Variants in ZW10 observed in about 807,000 individuals in gnomAD.
ZW10 encodes centromere/kinetochore protein zw10 homolog.
ZW10 carries 53 observed loss-of-function variants against 87.8 expected under a neutral mutation model. The ratio of observed to expected loss-of-function variants is 0.60; its 90% CI spans 0.48 to 0.76. The LOEUF is 0.76. ZW10 is among the 30% of genes least tolerant of loss of function. The pLI is 0.00. For synonymous variants in ZW10, 312 were observed against 329.2 expected (o/e 0.95, Z 0.57); for missense variants, 837 against 923.0 (o/e 0.91, Z 1.21).
intron 8 of ZW10, 78 bp downstream of exon 8, chr11:113,748,179 T>A: frequency 2.2e-6 from 3 of 1,364,392 alleles, no homozygotes; most frequent in Non-Finnish European, 2.9e-6. Context: ...AAGAACAAAC[T>A]ATCTCCAAGG....
intron 11 of ZW10, 37 bp downstream of exon 11, chr11:113,741,657 C>T: frequency 1.5e-6 from 2 of 1,373,486 alleles, no homozygotes; most frequent in African/African-American, 1.5e-5. Flanking sequence ...CTTAGACATA[C>T]AATTATTATA....
intron 3 of ZW10, 104 bp from the exon 4 acceptor site, chr11:113,760,694 A>C: frequency 8.7e-7 from 1 of 1,145,006 alleles, no homozygotes; most frequent in South Asian, 1.5e-5. Flanking sequence ...CCCCCTCTAA[A>C]AAAAAAAAAA....
chr11:113,741,498 T>C (rs1011565493), intron 11 of ZW10, among the ~76,000 whole-genome samples, 196 bp downstream of exon 11: 6 of 152,230 alleles, frequency 3.9e-5, no homozygotes, highest in African/African-American at 1.4e-4. Flanking sequence ...CACTGCAAGA[T>C]TATAATACCC....
Position 113,739,327 on chromosome 11 carries a change from A to C in ZW10, c.1639T>G (p.Tyr547Asp). ...AGGGTCAGCAAGTGGTGAGCAATGT[A>C]CATACAGTTGTTGTGATGAATAGCA... The part of the protein sequence containing the change: ...LAAIHHNNCM[Y>D]IAHHLLTLGH... The change falls in exon 12 of 16, where the codon TAC becomes GAC. Residue 547 changes from tyrosine (Y) to aspartate (D), a missense_variant. By Grantham distance (160) the Tyr-to-Asp change is radical. Transcript: ENST00000200135. 6.2e-7 allele frequency: 1 copy of C among 1,612,288 alleles called. No homozygotes were observed. Among genetic ancestry groups the C allele is most frequent in the Admixed American group, 1.7e-5 (1 of 59,780 alleles).
At chr11:113,771,035 G>A (rs1953961652) in intron 1 of ZW10, among the ~76,000 whole-genome samples, 1 of 149,740 alleles carries the variant, frequency 6.7e-6, no homozygotes, top group African/African-American at 2.5e-5. Flanking sequence ...TGCAGTGGTG[G>A]AGCAATCTCA....
intron 7 of ZW10, among the ~76,000 whole-genome samples, chr11:113,749,255 C>T (rs575547905): frequency 1.2e-4 from 18 of 152,288 alleles, no homozygotes; most frequent in Admixed American, 5.9e-4. Context: ...AGATACCTCA[C>T]AACATCTAAA....
Position 113,747,708 on chromosome 11 carries a change from T to C in ZW10, c.1095A>G (p.Ile365Met), listed in dbSNP as rs754283807. ...SSKLQQYEEIIQSTEEFENAL... is the reference protein window; with the variant it reads ...SSKLQQYEEIMQSTEEFENAL... ...CATTTTCAAATTCTTCAGTGGACTGTATGATCTGAGATACAAAAGAAAAAA... is the reference window on the plus strand; with the variant it reads ...CATTTTCAAATTCTTCAGTGGACTGCATGATCTGAGATACAAAAGAAAAAA... Residue 365 changes from isoleucine to methionine, a missense_variant, in exon 9 of 16, where the codon ATA becomes ATG. Physicochemically the swap from Ile to Met is conservative, Grantham distance 10. Coordinates refer to ENST00000200135, the MANE Select transcript of ZW10 (RefSeq NM_004724.4). 2.5e-6 allele frequency: 4 copies of C among 1,599,996 alleles called. No homozygotes were observed. In the African/African-American group the frequency reaches 5.4e-5, roughly 22 times the overall value.
intron 12 of ZW10, among the ~76,000 whole-genome samples, 198 bp downstream of exon 12, chr11:113,739,015 A>G (rs961652982): frequency 4.6e-5 from 7 of 152,142 alleles, no homozygotes; most frequent in African/African-American, 1.7e-4. Context: ...AAAAAAGTAA[A>G]AAAGTCTCCC....
chr11:113,755,572 G>C (rs983162756), intron 7 of ZW10, among the ~76,000 whole-genome samples: 7 of 152,162 alleles, frequency 4.6e-5, no homozygotes, highest in Non-Finnish European at 1.0e-4. Context: ...GACAACAAAG[G>C]ATTTAGAACA....
At chr11:113,755,184 G>C (rs546381707) in intron 7 of ZW10, among the ~76,000 whole-genome samples, 91 of 152,324 alleles carry the variant, frequency 6.0e-4, no homozygotes, top group African/African-American at 2.0e-3. Flanking sequence ...AGCTGCTACA[G>C]TGATTCCTCT....
intron 7 of ZW10, among the ~76,000 whole-genome samples, chr11:113,757,073 G>A (rs1349281503): frequency 6.7e-6 from 1 of 150,334 alleles, no homozygotes; most frequent in African/African-American, 2.4e-5. Flanking sequence ...TATGACAGCT[G>A]AGAAAAGCAC....
At chr11:113,743,397 T>C (rs1251869138) in intron 10 of ZW10, among the ~76,000 whole-genome samples, 1 of 152,226 alleles carries the variant, frequency 6.6e-6, no homozygotes, top group Non-Finnish European at 1.5e-5. Flanking sequence ...CATTTGAGTA[T>C]TAATCATTTT....
chr11:113,745,334 C>A (rs1237253185), intron 9 of ZW10, among the ~76,000 whole-genome samples: 1 of 151,428 alleles, frequency 6.6e-6, no homozygotes, highest in East Asian at 1.9e-4. Context: ...CATGTAGAGG[C>A]AGCAGGCTCC....
intron 2 of ZW10, among the ~76,000 whole-genome samples, chr11:113,767,906 T>A (rs1350898293): frequency 6.6e-6 from 1 of 152,200 alleles, no homozygotes; most frequent in Non-Finnish European, 1.5e-5. Context: ...TATGGCTACT[T>A]ACAACACTCT....
intron 8 of ZW10, 129 bp from the exon 9 acceptor site, chr11:113,747,842 A>T: frequency 1.6e-6 from 1 of 620,216 alleles, no homozygotes; most frequent in East Asian, 2.8e-5. Context: ...ATCAATTACT[A>T]GGTATAAAAA....
At chr11:113,762,854 G>A (rs995827601) in intron 2 of ZW10, among the ~76,000 whole-genome samples, 1 of 152,118 alleles carries the variant, frequency 6.6e-6, no homozygotes, top group African/African-American at 2.4e-5. Context: ...AGCTTAAAAC[G>A]CAAACACACT....
Position 113,768,816 on chromosome 11 carries a change from T to G in ZW10, c.240+17A>C. 6.2e-7 allele frequency: 1 copy of G among 1,613,388 alleles called. No individual in the cohort carries two copies. Among genetic ancestry groups the G allele is most frequent in the Non-Finnish European group, 8.5e-7 (1 of 1,179,704 alleles). ...CACCTCCCTACAAACCTACCCAATA[T>G]AACAAATTATCCTTACCTCACTCTC... On this transcript the variant is annotated intron_variant, in intron 2 of 15. Coordinates refer to ENST00000200135, the MANE Select transcript of ZW10 (RefSeq NM_004724.4).
At chr11:113,765,590 A>G (rs1256421146) in intron 2 of ZW10, among the ~76,000 whole-genome samples, 3 of 152,222 alleles carry the variant, frequency 2.0e-5, no homozygotes, top group African/African-American at 7.2e-5. Flanking sequence ...CTCAAACTGT[A>G]ATGCATATAC....
intron 1 of ZW10, among the ~76,000 whole-genome samples, chr11:113,770,796 C>T (rs73551159): frequency 5.5e-5 from 8 of 145,158 alleles, no homozygotes; most frequent in African/African-American, 7.6e-5. Flanking sequence ...CCAGCCTGGG[C>T]GACAGGGCGA....
Sources: allele counts gnomAD v4.1 joint callset (sites outside exome capture counted in the v4.1 genomes callset), GRCh38; gene constraint gnomAD v4.1.1; transcripts MANE v1.5; gene names NCBI Gene and HGNC (gene_info 2026-07-23, HGNC 2026-07-21).